Variants in NBAS observed in about 807,000 individuals in gnomAD.
NBAS encodes NAG/BC035112 fusion.
Under a neutral mutation model 302.5 loss-of-function variants are expected in NBAS, and 219 were observed. The observed-to-expected ratio is 0.72, with a 90% CI of 0.65 to 0.81. The LOEUF (loss-of-function observed/expected upper bound fraction) is 0.81, where lower values mean the gene tolerates loss of function less well. Ranked by LOEUF, NBAS falls within the 30% of genes least tolerant of loss-of-function variation. The probability of loss-of-function intolerance (pLI) is 0.00; values close to 1 mark genes in which losing one functional copy is unlikely to be tolerated. For synonymous variants in NBAS, 1,118 were observed against 1,021.6 expected, an observed-to-expected ratio of 1.09 and a Z score of -1.80; for missense variants, 2,932 against 2,841.6, an observed-to-expected ratio of 1.03 and a Z score of -0.72.
chr2:15,560,420 C>G (rs1457889135), intron 1 of NBAS, among the ~76,000 whole-genome samples: 1 of 152,128 alleles, frequency 6.6e-6, no homozygotes, highest in Non-Finnish European at 1.5e-5. Context: ...GTCAGCAGCT[C>G]TTTACTCTGC....
intron 45 of NBAS, 107 bp downstream of exon 45, chr2:15,238,361 T>C (rs1284721893): frequency 3.1e-5 from 34 of 1,105,092 alleles, no homozygotes; most frequent in Non-Finnish European, 4.3e-5. Flanking sequence ...TTTTCAAGGA[T>C]ATCTGCAAGC....
intron 9 of NBAS, among the ~76,000 whole-genome samples, chr2:15,517,941 C>T (rs1662479111): frequency 2.0e-5 from 3 of 152,080 alleles, no homozygotes; most frequent in African/African-American, 7.2e-5. Flanking sequence ...ATGTGTATTG[C>T]TTCTGCACCA....
At chr2:15,302,526 G>A (rs943304599) in intron 40 of NBAS, among the ~76,000 whole-genome samples, 1 of 152,172 alleles carries the variant, frequency 6.6e-6, no homozygotes, top group Non-Finnish European at 1.5e-5. Context: ...GAAAGGGAAT[G>A]GTGGTGGGTG....
chr2:14,884,946 A>G, the NBAS span, among the ~76,000 whole-genome samples: 1 of 152,312 alleles, frequency 6.6e-6, no homozygotes, highest in South Asian at 2.1e-4. Flanking sequence ...AGAGGAGGAA[A>G]GAAGCCCTTG....
chr2:15,004,636 G>A, the NBAS span, among the ~76,000 whole-genome samples: 1 of 148,972 alleles, frequency 6.7e-6, no homozygotes, highest in Non-Finnish European at 1.5e-5. Context: ...AAATAGCTGA[G>A]ACAACAGGCG....
At chr2:14,836,797 A>AT in the NBAS span, among the ~76,000 whole-genome samples, 1 of 151,960 alleles carries the variant, frequency 6.6e-6, no homozygotes, top group South Asian at 2.1e-4. Context: ...ACTTTCTTAG[A>AT]TTAAGTCTTC....
chr2:15,215,121 C>T (rs1042396336), intron 48 of NBAS, among the ~76,000 whole-genome samples: 1 of 152,084 alleles, frequency 6.6e-6, no homozygotes, highest in Non-Finnish European at 1.5e-5. Context: ...AGGATTAACA[C>T]AACACATTCA....
chr2:15,013,800 A>T, the NBAS span, among the ~76,000 whole-genome samples: 1 of 152,064 alleles, frequency 6.6e-6, no homozygotes, highest in Admixed American at 6.6e-5. Flanking sequence ...TTAATTAATT[A>T]ATTAAAATAA....
chr2:15,440,439 G>A (rs948471345), intron 21 of NBAS, among the ~76,000 whole-genome samples: 1 of 152,212 alleles, frequency 6.6e-6, no homozygotes, highest in African/African-American at 2.4e-5. Flanking sequence ...CAGACCTGCA[G>A]CTGAGGGTCC....
intron 9 of NBAS, among the ~76,000 whole-genome samples, chr2:15,519,128 C>G (rs1662543325): frequency 1.3e-5 from 2 of 152,172 alleles, no homozygotes; most frequent in Non-Finnish European, 1.5e-5. Flanking sequence ...TAAAAAGAAA[C>G]TATATAATCT....
intron 6 of NBAS, among the ~76,000 whole-genome samples, chr2:15,543,185 A>C (rs142472193): frequency 2.0e-4 from 31 of 152,276 alleles, no homozygotes; most frequent in African/African-American, 7.5e-4. Flanking sequence ...CCCCCGACTC[A>C]TATTTTCATC....
the NBAS span, among the ~76,000 whole-genome samples, chr2:14,795,422 T>C: frequency 4.6e-5 from 7 of 151,536 alleles, no homozygotes; most frequent in African/African-American, 1.7e-4. Context: ...CAAATATTGG[T>C]CCATATATTT....
intron 10 of NBAS, among the ~76,000 whole-genome samples, chr2:15,504,558 C>G (rs1280322882): frequency 6.6e-6 from 1 of 152,192 alleles, no homozygotes; most frequent in Non-Finnish European, 1.5e-5. Flanking sequence ...AAAGCTAAAA[C>G]TTCCCAAAGC....
chr2:15,536,632 G>C, intron 7 of NBAS, 81 bp from the exon 8 acceptor site: 1 of 1,198,674 alleles, frequency 8.3e-7, no homozygotes, highest in Non-Finnish European at 1.2e-6. Context: ...GAGAATATCT[G>C]ATACACTGGC....
intron 50 of NBAS, chr2:15,179,492 TGTGAGA>T (rs1664720821): frequency 2.4e-5 from 6 of 253,884 alleles, no homozygotes; most frequent in South Asian, 1.1e-4. Flanking sequence ...TGTGTGTGTG[TGTGAGA>T]GAGAGAGAGT....
At chr2:15,234,466 A>T in intron 46 of NBAS, 79 bp downstream of exon 46, 1 of 1,432,394 alleles carries the variant, frequency 7.0e-7, no homozygotes, top group Non-Finnish European at 9.7e-7. Context: ...AAATGCTTTT[A>T]CATACAGGAT....
chr2:15,154,318 T>G, the NBAS span, among the ~76,000 whole-genome samples: 9 of 152,236 alleles, frequency 5.9e-5, no homozygotes, highest in Non-Finnish European at 7.3e-5. Flanking sequence ...GGAGCAAGGT[T>G]GCTGAGGCTC....
chr2:15,191,901 C>T (rs2125143527), intron 48 of NBAS, among the ~76,000 whole-genome samples: 1 of 152,284 alleles, frequency 6.6e-6, no homozygotes, highest in South Asian at 2.1e-4. Flanking sequence ...TTTGAGGTCC[C>T]TTGCATACGT....
chr2:14,957,074 C>T, the NBAS span, among the ~76,000 whole-genome samples: 1 of 152,030 alleles, frequency 6.6e-6, no homozygotes, highest in Non-Finnish European at 1.5e-5. Context: ...CAGTATGAGA[C>T]ACAAGGAGAA....
Sources: allele counts gnomAD v4.1 joint callset (sites outside exome capture counted in the v4.1 genomes callset), GRCh38; gene constraint gnomAD v4.1.1; transcripts MANE v1.5; gene names NCBI Gene and HGNC (gene_info 2026-07-23, HGNC 2026-07-21).